Variants in SCNN1D observed in about 807,000 individuals in gnomAD.
The protein encoded by SCNN1D is epithelial sodium channel subunit delta.
Under a neutral mutation model 87.8 loss-of-function variants are expected in SCNN1D, and 104 were observed. The observed-to-expected ratio is 1.18, with a 90% CI of 1.01 to 1.39. The LOEUF is 1.39. Ranked by LOEUF, SCNN1D falls within the 40% of genes most tolerant of loss-of-function variation. SCNN1D has a pLI of 0.00. For synonymous variants in SCNN1D, 628 were observed against 481.2 expected (o/e 1.31, Z -3.99); for missense variants, 1,324 against 1,093.9 (o/e 1.21, Z -2.97).
chr1:1,291,756 G>C lies in SCNN1D; in HGVS notation c.*146G>C. ...TGGGGAGGCAGGCACCGGGCATGTC[G>C]GCGCCTCTGGTCAAACCACCTACAC... On this transcript the variant is annotated 3_prime_UTR_variant, in exon 18 of 18. Coordinates refer to ENST00000379116, the MANE Select transcript of SCNN1D (RefSeq NM_001130413.4). The C allele has an allele frequency of 1.7e-6, 1 of 579,080 alleles. No individual in the cohort carries two copies. Among genetic ancestry groups the C allele is most frequent in the Non-Finnish European group, 2.9e-6 (1 of 349,354 alleles). The allele number at this position is 579,080 out of a possible 1,614,324, so 35.9% of individuals were successfully genotyped here. A position where few individuals can be genotyped will look rare whatever the true frequency, so the allele number is the denominator to read the frequency against.
chr1:1,283,948 T>C, intron 4 of SCNN1D, 30 bp from the exon 5 acceptor site: 1 of 1,350,726 alleles, frequency 7.4e-7, no homozygotes, highest in East Asian at 3.1e-5. Flanking sequence ...TGCAGCACAG[T>C]CCCACGCCCA....
At chr1:1,286,691 G>A (rs571879942) in intron 7 of SCNN1D, 77 bp from the exon 8 acceptor site, 18 of 1,417,496 alleles carry the variant, frequency 1.3e-5, no homozygotes, top group East Asian at 1.2e-4. Context: ...CTGCTGTCCC[G>A]ACAGCACACA....
intron 12 of SCNN1D, among the ~76,000 whole-genome samples, chr1:1,288,750 CT>C (rs1640694565): frequency 1.6e-4 from 1 of 6,240 alleles, no homozygotes; most frequent in Non-Finnish European, 2.3e-4. Context: ...CGTGTCTCTG[CT>C]CCGTCCCGTG....
At chr1:1,284,664 G>T (rs1420644943) in intron 5 of SCNN1D, among the ~76,000 whole-genome samples, 2 of 152,032 alleles carry the variant, frequency 1.3e-5, no homozygotes, top group Non-Finnish European at 2.9e-5. Flanking sequence ...ACCATTGGGG[G>T]TGCATAGCGT....
chr1:1,290,663 G>A lies in SCNN1D; in HGVS notation c.1886G>A (p.Gly629Glu), dbSNP rs762486467. Residue 629 changes from glycine (G) to glutamate (E), a missense_variant, in exon 15 of 18, where the codon GGG (glycine) becomes GAG (glutamate). Transcript: ENST00000379116. Reference sequence around the variant, plus strand: ...GAGTCTGCATTCAAGCTCTCCACTGGGACCTCCAGGTGGCCTTCCGCCAAG... The same window carrying A: ...GAGTCTGCATTCAAGCTCTCCACTGAGACCTCCAGGTGGCCTTCCGCCAAG... ...CRESAFKLSTGTSRWPSAKSA... is the reference protein window; with the variant it reads ...CRESAFKLSTETSRWPSAKSA... 3 of 1,612,528 alleles carry A rather than the reference G, an allele frequency of 1.9e-6. No homozygotes were observed. In the African/African-American group the frequency reaches 4.0e-5, roughly 22 times the overall value.
Position 1,290,523 on chromosome 1 carries a change from C to G in SCNN1D, c.1827C>G (p.Leu609=). Residue 609 remains leucine (L), a synonymous_variant, in exon 14 of 18, where the codon CTC becomes CTG. Transcript: ENST00000379116. Reference sequence around the variant, plus strand: ...ACCAGGACCTGGAGACCCACCGGCTCCCCTGTACCTCCCGCTGCCCCAGGC... The same window carrying G: ...ACCAGGACCTGGAGACCCACCGGCTGCCCTGTACCTCCCGCTGCCCCAGGC... The part of the protein sequence containing the change: ...RLYQDLETHR[L]PCTSRCPRPC... 1 of 1,612,716 alleles carries G rather than the reference C, an allele frequency of 6.2e-7. No individual in the cohort carries two copies. The highest frequency in any genetic ancestry group is 8.5e-7 in the Non-Finnish European group (1 of 1,179,938).
rs1355348422 is a variant in SCNN1D at position 1,280,670 on chromosome 1, C to T, written c.5+4C>T. On this transcript the variant is annotated splice_donor_region_variant and intron_variant, in intron 1 of 17. Coordinates refer to ENST00000379116, the MANE Select transcript of SCNN1D (RefSeq NM_001130413.4). Reference sequence around the variant, plus strand: ...TCCAGCAGGGAGGAGGCATGAGGTGCGTCCGACTCCCTTCCCATCACAGCT... The same window carrying T: ...TCCAGCAGGGAGGAGGCATGAGGTGTGTCCGACTCCCTTCCCATCACAGCT... The T allele has an allele frequency of 2.6e-5, 18 of 701,394 alleles. No individual in the cohort carries two copies. Among genetic ancestry groups the T allele is most frequent in the Non-Finnish European group, 4.7e-5 (18 of 384,466 alleles). The allele number at this position is 701,394 out of a possible 1,614,324, so 43.4% of individuals were successfully genotyped here. A position where few individuals can be genotyped will look rare whatever the true frequency, so the allele number is the denominator to read the frequency against.
intron 7 of SCNN1D, among the ~76,000 whole-genome samples, 185 bp from the exon 8 acceptor site, chr1:1,286,583 C>T (rs906662468): frequency 9.9e-5 from 15 of 152,252 alleles, no homozygotes; most frequent in African/African-American, 2.6e-4. Context: ...GGGCTGCGAG[C>T]GGGCTGGGCT....
In SCNN1D at chr1:1,286,960, A is replaced by G. The variant is rs770913060; in HGVS notation, c.1104A>G (p.Arg368=). 1.9e-6 allele frequency: 3 copies of G among 1,611,866 alleles called. No individual in the cohort carries two copies. Among genetic ancestry groups the G allele is most frequent in the Non-Finnish European group, 2.5e-6 (3 of 1,179,664 alleles). ...TGAGCCACTCGGGCAGCCGGGTCAG[A>G]GTGGGGTTCAGACTGGTGAGTGTCC... ...QRLSHSGSRV[R]VGFRLCNSTG... is the part of the protein sequence containing the mutation. Residue 368 remains arginine (R), a synonymous_variant, in exon 8 of 18, where the codon AGA becomes AGG. Coordinates refer to ENST00000379116, the MANE Select transcript of SCNN1D (RefSeq NM_001130413.4).
At chr1:1,285,168 G>T (rs1419905305) in intron 5 of SCNN1D, among the ~76,000 whole-genome samples, 1 of 152,206 alleles carries the variant, frequency 6.6e-6, no homozygotes, top group Non-Finnish European at 1.5e-5. Flanking sequence ...GTGTCCCCAG[G>T]CCCCGAAGCT....
intron 12 of SCNN1D, among the ~76,000 whole-genome samples, 163 bp from the exon 13 acceptor site, chr1:1,290,108 T>TCC (rs59493207): frequency 1.9e-4 from 21 of 111,962 alleles, no homozygotes; most frequent in South Asian, 7.2e-4. Flanking sequence ...CTCTGCTCCG[T>TCC]CCCGTGTCTC....
chr1:1,285,635 C>T lies in SCNN1D; in HGVS notation c.529C>T (p.Gln177Ter), dbSNP rs1171040810. 6.5e-6 allele frequency: 10 copies of T among 1,547,314 alleles called. No individual in the cohort carries two copies. The highest frequency in any genetic ancestry group is 7.0e-6 in the Non-Finnish European group (8 of 1,145,410). ...GAAGGGATGGCAGCACAGACCCACT[C>T]AGCACAACGCTGCCTGCAAACAGGG... ...HLKGWQHRPTQHNAACKQGQA... is the reference protein window; with the variant it reads ...HLKGWQHRPT The change falls in exon 6 of 18, where the codon CAG becomes TAG. Residue 177 changes from glutamine to a stop codon, truncating the protein, a stop_gained. Coordinates refer to ENST00000379116, the MANE Select transcript of SCNN1D (RefSeq NM_001130413.4). LOFTEE classifies it high-confidence loss of function.
Position 1,287,613 on chromosome 1 carries a change from G to C in SCNN1D, c.1399+17G>C, listed in dbSNP as rs778977376. 9 of 1,608,664 alleles carry C rather than the reference G, an allele frequency of 5.6e-6. No individual in the cohort carries two copies. The highest frequency in any genetic ancestry group is 1.7e-4 in the Middle Eastern group (1 of 6,038). Reference sequence around the variant, plus strand: ...TCACCCACGGTGGGTGCCAGCCCCTGGCCGGTGCGGGGGCAGGGGTGCAGG... The same window carrying C: ...TCACCCACGGTGGGTGCCAGCCCCTCGCCGGTGCGGGGGCAGGGGTGCAGG... On this transcript the variant is annotated intron_variant, in intron 10 of 17. Coordinates refer to ENST00000379116, the MANE Select transcript of SCNN1D (RefSeq NM_001130413.4).
At chr1:1,286,700 C>G in intron 7 of SCNN1D, 68 bp from the exon 8 acceptor site, 1 of 1,467,956 alleles carries the variant, frequency 6.8e-7, no homozygotes, top group South Asian at 1.2e-5. Context: ...CGACAGCACA[C>G]ACTGGGATGC....
rs768559046 is a variant in SCNN1D, at chr1:1,290,972, T to C, written c.1976+19T>C. 3.1e-6 allele frequency: 5 copies of C among 1,595,792 alleles called. No homozygotes were observed. The highest frequency in any genetic ancestry group is 1.1e-5 in the South Asian group (1 of 89,098). ...GACAGAGGTGGGTGCACCCTCCCCC[T>C]CCAGAGAGGCATCACAGCCCCTCTC... is the stretch of plus-strand genomic sequence containing the variant. On this transcript the variant is annotated intron_variant, in intron 16 of 17. Coordinates refer to ENST00000379116, the MANE Select transcript of SCNN1D (RefSeq NM_001130413.4).
At chr1:1,290,431 G>A (rs188351262) in intron 13 of SCNN1D, 43 bp downstream of exon 13, 506 of 1,598,734 alleles carry the variant, frequency 3.2e-4, no homozygotes, top group Admixed American at 1.4e-3. Flanking sequence ...GCCATTAGCC[G>A]GGGGGTCACA....
intron 12 of SCNN1D, among the ~76,000 whole-genome samples, 189 bp downstream of exon 12, chr1:1,288,226 T>TCC (rs1557584198): frequency 7.0e-5 from 10 of 141,996 alleles, no homozygotes; most frequent in South Asian, 4.7e-4. Context: ...CCGTCCCGTG[T>TCC]CTCTGCTCCG....
At chr1:1,288,221 C>G in intron 12 of SCNN1D, among the ~76,000 whole-genome samples, 184 bp downstream of exon 12, 1 of 135,538 alleles carries the variant, frequency 7.4e-6, no homozygotes. Flanking sequence ...CTGCTCCGTC[C>G]CGTGTCTCTG....
Position 1,287,803 on chromosome 1 carries a change from G to A in SCNN1D, c.1530G>A (p.Arg510=). The A allele has an allele frequency of 1.9e-6, 3 of 1,576,076 alleles. No individual in the cohort carries two copies. The highest frequency in any genetic ancestry group is 2.6e-6 in the Non-Finnish European group (3 of 1,160,988). The change falls in exon 11 of 18, where the codon CGG becomes CGA. Residue 510 remains arginine, a synonymous_variant. Coordinates refer to ENST00000379116, the MANE Select transcript of SCNN1D (RefSeq NM_001130413.4). ...PFLGHHSFSV[R]PGTEATISIR... is the part of the protein sequence containing the mutation. ...TGGGGCACCACAGCTTCAGCGTCCG[G>A]CCAGGGACGGAGGCCACCATCAGCA...
Sources: allele counts gnomAD v4.1 joint callset (sites outside exome capture counted in the v4.1 genomes callset), GRCh38; gene constraint gnomAD v4.1.1; transcripts MANE v1.5; gene names NCBI Gene and HGNC (gene_info 2026-07-23, HGNC 2026-07-21).